The following NELL2 variants were observed in gnomAD, a reference collection of about 807,000 sequenced individuals.
NELL2 encodes neural EGFL like 2.
In NELL2, 41 loss-of-function variants were observed where a neutral mutation model predicts 109.6. That is an observed-to-expected ratio of 0.37 (90% CI 0.29 to 0.49). NELL2 has a LOEUF of 0.49. NELL2 is among the 20% of genes least tolerant of loss of function. The probability of loss-of-function intolerance (pLI) is 0.98; values close to 1 mark genes in which losing one functional copy is unlikely to be tolerated. For synonymous variants in NELL2, 355 were observed against 344.7 expected (o/e 1.03, Z -0.33); for missense variants, 900 against 1,008.3 (o/e 0.89, Z 1.45).
In NELL2 at chr12:44,683,939, TGA is replaced by T. The variant is rs1294828102; in HGVS notation, c.1319-18332_1319-18331del. Among the ~76,000 whole-genome samples the T allele has an allele frequency of 3.3e-5, 5 of 152,330 alleles. No individual in the cohort carries two copies. The East Asian group carries it at 9.6e-4, about 29-fold the overall frequency. ...TCAGGATGATGCTGGCCTCATAAAA[TGA>T]GTTAGGGAGGATTCCCTCTTTTTCT... On this transcript the variant is annotated intron_variant, in intron 12 of 19. Transcript: ENST00000429094.
intron 9 of NELL2, among the ~76,000 whole-genome samples, chr12:44,759,413 A>G (rs990938599): frequency 6.6e-6 from 1 of 152,192 alleles, no homozygotes; most frequent in Non-Finnish European, 1.5e-5. Flanking sequence ...AGAAATTTGC[A>G]ACTATCATAT....
At chr12:44,654,554 A>T (rs1414232139) in intron 13 of NELL2, among the ~76,000 whole-genome samples, 2 of 152,164 alleles carry the variant, frequency 1.3e-5, no homozygotes, top group Non-Finnish European at 2.9e-5. Flanking sequence ...AAGTAACAGG[A>T]TGTCAGTTCC....
At chr12:44,640,861 G>A (rs995163472) in intron 13 of NELL2, among the ~76,000 whole-genome samples, 2 of 152,112 alleles carry the variant, frequency 1.3e-5, no homozygotes, top group African/African-American at 4.8e-5. Context: ...AACATGGTTG[G>A]GGAGTGACAA....
intron 15 of NELL2, among the ~76,000 whole-genome samples, chr12:44,581,305 T>A (rs537036348): frequency 6.6e-6 from 1 of 151,728 alleles, no homozygotes; most frequent in African/African-American, 2.4e-5. Flanking sequence ...AGAAAAAAGA[T>A]TTTTTTAAAA....
At chr12:44,607,073 G>A (rs1945433413) in intron 15 of NELL2, 96 bp downstream of exon 15, 1 of 1,030,692 alleles carries the variant, frequency 9.7e-7, no homozygotes, top group East Asian at 2.7e-5. Context: ...CATGCTTTGA[G>A]AGCCCACTTG....
chr12:44,731,526 T>A (rs368681431), intron 9 of NELL2, among the ~76,000 whole-genome samples: 23 of 152,122 alleles, frequency 1.5e-4, no homozygotes, highest in African/African-American at 5.1e-4. Context: ...AGAAAAAGCA[T>A]TTGACAGAAT....
chr12:44,726,641 T>A (rs931195091), intron 9 of NELL2, among the ~76,000 whole-genome samples: 3 of 152,176 alleles, frequency 2.0e-5, no homozygotes, highest in Admixed American at 6.5e-5. Context: ...TCAAGAAAAT[T>A]TTGATTGCAA....
intron 2 of NELL2, among the ~76,000 whole-genome samples, chr12:44,847,896 G>A (rs1015675008): frequency 6.6e-6 from 1 of 151,896 alleles, no homozygotes; most frequent in African/African-American, 2.4e-5. Context: ...GCTGGGTGTG[G>A]TGTTGCATGC....
In NELL2 at chr12:44,523,449, C is replaced by G. The variant is rs1297949539; in HGVS notation, c.1840G>C (p.Ala614Pro). The G allele has an allele frequency of 1.9e-6, 3 of 1,613,814 alleles. No homozygotes were observed. Among genetic ancestry groups the G allele is most frequent in the Non-Finnish European group, 2.5e-6 (3 of 1,179,986 alleles). Residue 614 changes from alanine to proline, a missense_variant, in exon 17 of 20, where the codon GCC becomes CCC. Transcript: ENST00000429094. ...DECGTGRHSCANDTICFNLDG... is the reference protein window; with the variant it reads ...DECGTGRHSCPNDTICFNLDG... ...AAATTGAAGCAAATGGTATCATTGG[C>G]ACAGCTGTGCCTCCCGGTCCCACAC...
At chr12:44,920,123 T>C (rs1455521720) in intron 1 of NELL2, among the ~76,000 whole-genome samples, 1 of 152,138 alleles carries the variant, frequency 6.6e-6, no homozygotes, top group Non-Finnish European at 1.5e-5. Flanking sequence ...ATGTAATGTA[T>C]GTTAATAGAA....
chr12:44,662,659 T>C (rs867223220), intron 13 of NELL2, among the ~76,000 whole-genome samples: 1 of 152,206 alleles, frequency 6.6e-6, no homozygotes, highest in African/African-American at 2.4e-5. Context: ...TATGCCAGAG[T>C]TACTAGGTTA....
At chr12:44,576,115 C>T (rs991752257) in intron 15 of NELL2, among the ~76,000 whole-genome samples, 1 of 152,164 alleles carries the variant, frequency 6.6e-6, no homozygotes, top group East Asian at 1.9e-4. Flanking sequence ...CCCTCTACTT[C>T]ACCAACAAAT....
chr12:44,660,303 A>G (rs1287343638), intron 13 of NELL2, among the ~76,000 whole-genome samples: 1 of 152,198 alleles, frequency 6.6e-6, no homozygotes, highest in East Asian at 1.9e-4. Flanking sequence ...GGCCATGTAA[A>G]TCTTTTTGGA....
chr12:44,819,171 A>G (rs1439409389), intron 2 of NELL2, among the ~76,000 whole-genome samples: 2 of 152,234 alleles, frequency 1.3e-5, no homozygotes, highest in Non-Finnish European at 2.9e-5. Context: ...GTACATCACT[A>G]TGGTTGAAAA....
intron 11 of NELL2, among the ~76,000 whole-genome samples, chr12:44,705,016 C>CAAA (rs11380443): frequency 4.8e-5 from 5 of 103,294 alleles, no homozygotes; most frequent in South Asian, 2.9e-4. Flanking sequence ...AGGACTCCAT[C>CAAA]AAAAAAAAAA....
chr12:44,747,355 C>T (rs542128967), intron 9 of NELL2, among the ~76,000 whole-genome samples: 46 of 151,948 alleles, frequency 3.0e-4, no homozygotes, highest in African/African-American at 1.1e-3. Flanking sequence ...TGTTAAATGA[C>T]GAGTTAATGG....
intron 3 of NELL2, among the ~76,000 whole-genome samples, chr12:44,794,188 T>C (rs117589523): frequency 1.3e-5 from 2 of 152,286 alleles, no homozygotes; most frequent in East Asian, 3.9e-4. Flanking sequence ...CCCCTATGTG[T>C]TTCATCTGGT....
At chr12:44,826,462 C>T (rs1943714677) in intron 2 of NELL2, among the ~76,000 whole-genome samples, 1 of 152,158 alleles carries the variant, frequency 6.6e-6, no homozygotes, top group South Asian at 2.1e-4. Flanking sequence ...TCAATATGCT[C>T]ATGCTTTTAT....
intron 13 of NELL2, among the ~76,000 whole-genome samples, chr12:44,615,691 T>A (rs1945795089): frequency 6.6e-6 from 1 of 152,152 alleles, no homozygotes; most frequent in Admixed American, 6.5e-5. Context: ...TAATGTCTTT[T>A]TGTTGTATGT....
Sources: gnomAD v4.1 joint callset for allele counts (sites outside exome capture counted in the v4.1 genomes callset) on GRCh38, gnomAD v4.1.1 for gene constraint, MANE v1.5 for transcripts, NCBI Gene and HGNC (gene_info 2026-07-23, HGNC 2026-07-21) for gene names.